The following EPHA7 variants were observed in gnomAD, a reference collection of about 807,000 sequenced individuals.
EPHA7 encodes the protein ephrin type-A receptor 7.
In EPHA7, 25 loss-of-function variants were observed where a neutral mutation model predicts 112.6. The observed-to-expected ratio is 0.22, with a 90% CI of 0.16 to 0.31. EPHA7 has a LOEUF of 0.31. Among genes scored for constraint, EPHA7 ranks in the 10% least tolerant of loss-of-function variants. EPHA7 has a pLI of 1.00. For synonymous variants in EPHA7, 437 were observed against 406.5 expected (o/e 1.07, Z -0.90); for missense variants, 962 against 1,212.6 (o/e 0.79, Z 3.07).
At chr6:93,384,098 C>A (rs1319296191) in intron 3 of EPHA7, among the ~76,000 whole-genome samples, 1 of 151,960 alleles carries the variant, frequency 6.6e-6, no homozygotes, top group Non-Finnish European at 1.5e-5. Flanking sequence ...AAATTATTGA[C>A]CAAGTTAGTT....
intron 12 of EPHA7, among the ~76,000 whole-genome samples, chr6:93,256,482 T>C (rs1482573130): frequency 6.6e-6 from 1 of 152,062 alleles, no homozygotes; most frequent in African/African-American, 2.4e-5. Flanking sequence ...GGGGAAATAT[T>C]TGAGGCAAAA....
At chr6:93,366,551 T>C (rs978404809) in intron 3 of EPHA7, among the ~76,000 whole-genome samples, 6 of 152,146 alleles carry the variant, frequency 3.9e-5, no homozygotes, top group African/African-American at 1.4e-4. Context: ...ATATACCATA[T>C]AGAAACATAC....
intron 3 of EPHA7, among the ~76,000 whole-genome samples, chr6:93,383,680 T>G (rs1777461752): frequency 1.3e-5 from 2 of 152,184 alleles, no homozygotes. Flanking sequence ...GAGGGCTTCC[T>G]GGAGGAGTAA....
In EPHA7 at chr6:93,240,699, T is replaced by C. The variant is rs982356763; in HGVS notation, c.*2727A>G. ...ATTTTTATAATTTTGGAATTCTATT[T>C]TTGACGTTCACTTTCTCTACTTTTC... On this transcript the variant is annotated 3_prime_UTR_variant, in exon 17 of 17. Coordinates refer to ENST00000369303, the MANE Select transcript of EPHA7 (RefSeq NM_004440.4). 9.3e-6 allele frequency: 2 copies of C among 214,304 alleles called. No individual in the cohort carries two copies. Among genetic ancestry groups the C allele is most frequent in the African/African-American group, 4.5e-5 (2 of 44,320 alleles). 13.3% of individuals were successfully genotyped at this position (214,304 alleles called of 1,614,324 possible). A position where few individuals can be genotyped will look rare whatever the true frequency, so the allele number is the denominator to read the frequency against.
At chr6:93,260,774 C>A in intron 9 of EPHA7, 1 of 970,188 alleles carries the variant, frequency 1.0e-6, no homozygotes, top group Non-Finnish European at 1.2e-6. Context: ...TCATTTGTTA[C>A]TAAAGCTGAA....
chr6:93,289,317 T>C (rs556679274), intron 5 of EPHA7, among the ~76,000 whole-genome samples: 1 of 152,296 alleles, frequency 6.6e-6, no homozygotes, highest in South Asian at 2.1e-4. Flanking sequence ...AAGTCAGCAA[T>C]AATTTTTTTG....
In EPHA7 at chr6:93,257,499, T is replaced by C. The variant is rs1406597161; in HGVS notation, c.2135A>G (p.Glu712Gly). ...TRGKPVMIVI[E>G]FMENGALDAF... ...ATCTAGGGCTCCATTTTCCATGAAC[T>C]CTATTACTATCATGACTGGTTTCCC... Residue 712 changes from glutamate to glycine, a missense_variant, in exon 12 of 17, where the codon GAG becomes GGG. Around this residue, in one of 3 missense-constraint regions of EPHA7, gnomAD observed 746 missense variants for 889.2 expected, o/e 0.84. Transcript: ENST00000369303. 1 of 1,611,552 alleles carries C rather than the reference T, an allele frequency of 6.2e-7. No individual in the cohort carries two copies. Among genetic ancestry groups the C allele is most frequent in the Non-Finnish European group, 8.5e-7 (1 of 1,178,748 alleles).
chr6:93,256,774 T>C (rs1770458306), intron 12 of EPHA7, among the ~76,000 whole-genome samples: 1 of 152,096 alleles, frequency 6.6e-6, no homozygotes, highest in Non-Finnish European at 1.5e-5. Flanking sequence ...GATGCAGCAA[T>C]AAAAGTTTCT....
chr6:93,411,615 A>T (rs530442517), intron 2 of EPHA7, among the ~76,000 whole-genome samples: 2 of 152,286 alleles, frequency 1.3e-5, no homozygotes, highest in East Asian at 3.9e-4. Context: ...ACTTAAAAAC[A>T]TGAAGAAGAA....
intron 7 of EPHA7, among the ~76,000 whole-genome samples, chr6:93,266,676 CTTCTT>C (rs771159505): frequency 4.6e-5 from 7 of 151,776 alleles, no homozygotes; most frequent in East Asian, 3.9e-4. Context: ...GCTCAAGTGA[CTTCTT>C]TTAGGCTGCA....
intron 5 of EPHA7, among the ~76,000 whole-genome samples, chr6:93,303,056 T>G (rs536136763): frequency 6.6e-6 from 1 of 152,232 alleles, no homozygotes; most frequent in South Asian, 2.1e-4. Flanking sequence ...CACAAGGCCA[T>G]GTACTGTGTA....
chr6:93,410,833 A>G lies in EPHA7; in HGVS notation c.500T>C (p.Leu167Pro). The change falls in exon 3 of 17, where the codon CTT becomes CCT. Residue 167 changes from leucine to proline, a missense_variant. By Grantham distance (98) the Leu-to-Pro change is moderately conservative (BLOSUM62 -3). Around this residue, in one of 3 missense-constraint regions of EPHA7, gnomAD observed 160 missense variants for 263.6 expected, o/e 0.61. Coordinates refer to ENST00000369303, the MANE Select transcript of EPHA7 (RefSeq NM_004440.4). This position sits in a 1 kb window ranked among gnomAD's most constrained non-coding sequence, Gnocchi z 4.0. ...TCCAATCTCTCTCACCTCAGTGTTA[A>G]GCTTCATCTTTCTTTCACCAAGGTC... ...QGDLGERKMKLNTEVREIGPL... is the reference protein window; with the variant it reads ...QGDLGERKMKPNTEVREIGPL... The G allele has an allele frequency of 6.2e-7, 1 of 1,614,014 alleles. No homozygotes were observed. Among genetic ancestry groups the G allele is most frequent in the Non-Finnish European group, 8.5e-7 (1 of 1,179,960 alleles).
chr6:93,270,888 T>G (rs1771184458), intron 6 of EPHA7, among the ~76,000 whole-genome samples: 4 of 151,850 alleles, frequency 2.6e-5, no homozygotes, highest in African/African-American at 9.7e-5. Flanking sequence ...TATTGTCTTT[T>G]AGTTGCCTAA....
chr6:93,418,318 T>C (rs1466726059), intron 1 of EPHA7, among the ~76,000 whole-genome samples: 1 of 152,180 alleles, frequency 6.6e-6, no homozygotes, highest in Non-Finnish European at 1.5e-5. Flanking sequence ...CATAACCATA[T>C]ACAGGCGTAT....
intron 7 of EPHA7, among the ~76,000 whole-genome samples, chr6:93,268,453 A>G (rs1771053109): frequency 6.6e-6 from 1 of 151,832 alleles, no homozygotes; most frequent in Non-Finnish European, 1.5e-5. Context: ...TAATCAAAAT[A>G]TTAATTTAAT....
chr6:93,354,248 A>T (rs1189072502), intron 5 of EPHA7, among the ~76,000 whole-genome samples: 3 of 152,052 alleles, frequency 2.0e-5, no homozygotes, highest in Non-Finnish European at 4.4e-5. Flanking sequence ...AAGAGCAAAA[A>T]TATGGTAATG....
intron 3 of EPHA7, among the ~76,000 whole-genome samples, chr6:93,387,924 CAGAT>C (rs200554873): frequency 0.21 from 29,869 of 144,928 alleles, 3,091 homozygotes; most frequent in African/African-American, 0.23. Context: ...GATAGATAGA[CAGAT>C]AGATAGATAG....
At chr6:93,354,089 G>C (rs575763081) in intron 5 of EPHA7, among the ~76,000 whole-genome samples, 1 of 152,168 alleles carries the variant, frequency 6.6e-6, no homozygotes, top group African/African-American at 2.4e-5. Flanking sequence ...CAGAAATATA[G>C]ACTTAAATTC....
At chr6:93,252,924 T>A (rs1336858095) in intron 14 of EPHA7, among the ~76,000 whole-genome samples, 2 of 152,070 alleles carry the variant, frequency 1.3e-5, no homozygotes, top group Non-Finnish European at 1.5e-5. Context: ...ATATTCATAA[T>A]GTTCATTTTT....
Sources: gnomAD v4.1 joint callset for allele counts (sites outside exome capture counted in the v4.1 genomes callset) on GRCh38, gnomAD v4.1.1 for gene constraint, gnomAD v4.1.1 regional missense constraint, Gnocchi (gnomAD v3.1) non-coding constraint, MANE v1.5 for transcripts, NCBI Gene and HGNC (gene_info 2026-07-23, HGNC 2026-07-21) for gene names.